The following FAM25A variants were observed in gnomAD, a reference collection of about 807,000 sequenced individuals.
FAM25A encodes protein FAM25A.
FAM25A carries 5 observed loss-of-function variants against 6.6 expected under a neutral mutation model. The observed-to-expected ratio is 0.75, with a 90% CI of 0.39 to 1.59. FAM25A has a LOEUF of 1.59. Among genes scored for constraint, FAM25A ranks in the 40% most tolerant of loss-of-function variants. The pLI, the probability that FAM25A is intolerant of heterozygous loss-of-function variation, is 0.02. For missense variants in FAM25A, 93 were observed against 109.7 expected, an observed-to-expected ratio of 0.85 and a Z score of 0.68; for synonymous variants, 36 against 41.3, an observed-to-expected ratio of 0.87 and a Z score of 0.49.
rs576919857 is a variant in FAM25A, at chr10:87,020,366, C to T, written c.42C>T (p.Ala14=). The T allele has an allele frequency of 5.2e-6, 8 of 1,549,332 alleles. No homozygotes were observed. Among genetic ancestry groups the T allele is most frequent in the African/African-American group, 4.1e-5 (3 of 73,048 alleles). Reference sequence around the variant, plus strand: ...GGAAGCTGGCTGCCGAAGGCCTGGCCCACCGCACCGAGAAGGCCACCGAGG... The same window carrying T: ...GGAAGCTGGCTGCCGAAGGCCTGGCTCACCGCACCGAGAAGGCCACCGAGG... ...GLGKLAAEGL[A]HRTEKATEGA... The change falls in exon 1 of 3, where the codon GCC becomes GCT. Residue 14 remains alanine, a synonymous_variant. Transcript: ENST00000343959.
rs1395840886 is a variant in FAM25A at position 87,024,445 on chromosome 10, T to A, written c.137-96T>A. 8 of 1,529,676 alleles carry A rather than the reference T, an allele frequency of 5.2e-6. No homozygotes were observed. In the East Asian group the frequency reaches 1.7e-4, roughly 33 times the overall value. 94.8% of individuals were successfully genotyped at this position (1,529,676 alleles called of 1,614,324 possible). Reference sequence around the variant, plus strand: ...GGTCCCATCGGGCCACTCCAGAGACTAATCCATTAAGATGGCCACATCCCA... The same window carrying A: ...GGTCCCATCGGGCCACTCCAGAGACAAATCCATTAAGATGGCCACATCCCA... On this transcript the variant is annotated intron_variant, in intron 2 of 2. Coordinates refer to ENST00000343959, the MANE Select transcript of FAM25A (RefSeq NM_001146157.3).
intron 2 of FAM25A, 102 bp from the exon 3 acceptor site, chr10:87,024,439 A>G: frequency 6.6e-7 from 1 of 1,523,962 alleles, no homozygotes; most frequent in East Asian, 2.4e-5. Flanking sequence ...GGGCCACTCC[A>G]GAGACTAATC....
chr10:87,023,772 T>C (rs1226275796), intron 2 of FAM25A, among the ~76,000 whole-genome samples: 4 of 151,966 alleles, frequency 2.6e-5, no homozygotes, highest in African/African-American at 9.7e-5. Context: ...CAGAAATTTC[T>C]CACACTCCTG....
intron 2 of FAM25A, among the ~76,000 whole-genome samples, chr10:87,023,630 A>T (rs1845352131): frequency 6.6e-6 from 1 of 152,160 alleles, no homozygotes; most frequent in African/African-American, 2.4e-5. Context: ...CTGAGGCAGG[A>T]TACTCCCTTG....
chr10:87,024,725 T>C lies in FAM25A; in HGVS notation c.*51T>C. 6.5e-7 allele frequency: 1 copy of C among 1,535,420 alleles called. No individual in the cohort carries two copies. Among genetic ancestry groups the C allele is most frequent in the Non-Finnish European group, 8.7e-7 (1 of 1,146,740 alleles). ...CCAGTCTCAATAAAAAGCCATGACATGTGTACATTGAGCGCTGGATTTATA... is the reference window on the plus strand; with the variant it reads ...CCAGTCTCAATAAAAAGCCATGACACGTGTACATTGAGCGCTGGATTTATA... On this transcript the variant is annotated 3_prime_UTR_variant, in exon 3 of 3. Transcript: ENST00000343959.
chr10:87,023,806 G>C (rs1322750931), intron 2 of FAM25A, among the ~76,000 whole-genome samples: 6 of 152,058 alleles, frequency 3.9e-5, no homozygotes, highest in Non-Finnish European at 4.4e-5. Flanking sequence ...CCAAGATCAA[G>C]GAAGGCACTG....
intron 2 of FAM25A, among the ~76,000 whole-genome samples, chr10:87,023,170 G>A (rs1253746992): frequency 2.1e-5 from 3 of 146,154 alleles, no homozygotes; most frequent in Non-Finnish European, 4.5e-5. Flanking sequence ...GCAGTGAGCC[G>A]AGATCGTGCC....
intron 2 of FAM25A, among the ~76,000 whole-genome samples, chr10:87,023,547 C>T (rs1046892537): frequency 6.6e-6 from 1 of 152,210 alleles, no homozygotes; most frequent in Middle Eastern, 3.4e-3. Context: ...ATGGTGAAAC[C>T]CCGTTGCTAC....
rs1298822338 is a variant in FAM25A at position 87,024,090 on chromosome 10, CA to C, written c.137-444del. Among the ~76,000 whole-genome samples the C allele has an allele frequency of 5.5e-5, 8 of 146,700 alleles. No individual in the cohort carries two copies. In the East Asian group the frequency reaches 1.4e-3, roughly 26 times the overall value. Reference sequence around the variant, plus strand: ...GAGGGGAGAATCTTTAGAACCATGACAAAAAAATCAGCGCCATAAAGGAAAT... The same window carrying C: ...GAGGGGAGAATCTTTAGAACCATGACAAAAAATCAGCGCCATAAAGGAAAT... On this transcript the variant is annotated intron_variant, in intron 2 of 2. Coordinates refer to ENST00000343959, the MANE Select transcript of FAM25A (RefSeq NM_001146157.3).
intron 1 of FAM25A, among the ~76,000 whole-genome samples, chr10:87,021,533 C>T (rs896257308): frequency 4.6e-5 from 7 of 152,216 alleles, no homozygotes; most frequent in African/African-American, 1.4e-4. Context: ...CATGGGTTCC[C>T]AGAACTCCGG....
chr10:87,023,950 C>T (rs964460030), intron 2 of FAM25A, among the ~76,000 whole-genome samples: 2 of 152,020 alleles, frequency 1.3e-5, no homozygotes, highest in African/African-American at 4.8e-5. Context: ...AAAGGCCCCA[C>T]CTCTTAATAT....
chr10:87,024,590 G>A lies in FAM25A; in HGVS notation c.186G>A (p.Met62Ile). The change falls in exon 3 of 3, where the codon ATG becomes ATA. Residue 62 changes from methionine to isoleucine, a missense_variant. By Grantham distance (10) the Met-to-Ile change is conservative (BLOSUM62 1). Transcript: ENST00000343959. ...KKAQESGDKK[M>I]KEITETVTNT... ...CCCAAGAGTCAGGGGACAAAAAGAT[G>A]AAGGAAATCACTGAGACAGTGACCA... The A allele has an allele frequency of 6.5e-7, 1 of 1,535,774 alleles. No homozygotes were observed. Among genetic ancestry groups the A allele is most frequent in the Admixed American group, 2.0e-5 (1 of 50,998 alleles).
At position 87,024,587 on chromosome 10, in the gene FAM25A, G is replaced by A. The variant is rs562158868; in HGVS notation, c.183G>A (p.Lys61=). The change falls in exon 3 of 3, where the codon AAG becomes AAA. Residue 61 remains lysine (K), a synonymous_variant. Coordinates refer to ENST00000343959, the MANE Select transcript of FAM25A (RefSeq NM_001146157.3). ...IKKAQESGDK[K]MKEITETVTN... ...AAGCCCAAGAGTCAGGGGACAAAAA[G>A]ATGAAGGAAATCACTGAGACAGTGA... The A allele has an allele frequency of 3.4e-5, 52 of 1,535,766 alleles. No individual in the cohort carries two copies. The African/African-American group carries it at 6.7e-4, about 20-fold the overall frequency.
intron 1 of FAM25A, among the ~76,000 whole-genome samples, chr10:87,020,801 C>T (rs1845323473): frequency 6.6e-6 from 1 of 152,210 alleles, no homozygotes; most frequent in Non-Finnish European, 1.5e-5. Context: ...TCAATTTCAT[C>T]CAAGTCCCCT....
At chr10:87,024,471 C>A in intron 2 of FAM25A, 70 bp from the exon 3 acceptor site, 1 of 1,535,440 alleles carries the variant, frequency 6.5e-7, no homozygotes, top group East Asian at 2.4e-5. Context: ...CCACATCCCA[C>A]AGGCCACTCA....
intron 2 of FAM25A, among the ~76,000 whole-genome samples, chr10:87,023,934 C>T (rs1331827980): frequency 6.6e-6 from 1 of 152,012 alleles, no homozygotes; most frequent in Non-Finnish European, 1.5e-5. Flanking sequence ...CTAATTTCAA[C>T]CTCCCAAAGG....
chr10:87,024,530 C>A lies in FAM25A; in HGVS notation c.137-11C>A. 1 of 1,535,824 alleles carries A rather than the reference C, an allele frequency of 6.5e-7. No individual in the cohort carries two copies. The highest frequency in any genetic ancestry group is 8.7e-7 in the Non-Finnish European group (1 of 1,146,910). On this transcript the variant is annotated splice_polypyrimidine_tract_variant and intron_variant, in intron 2 of 2. Transcript: ENST00000343959. The stretch of plus-strand genomic sequence containing the variant: ...GATCACTAGGACATTCTTCCTCTTT[C>A]TTTCCAACAGCCATTGCTGAAGCCA...
At chr10:87,022,278 C>T (rs1845335809) in intron 1 of FAM25A, 36 bp from the exon 2 acceptor site, 1 of 1,548,244 alleles carries the variant, frequency 6.5e-7, no homozygotes, top group African/African-American at 1.4e-5. Flanking sequence ...CGGCTCTGCT[C>T]TGAGCCCTCA....
In FAM25A at chr10:87,024,535, C is replaced by T; in HGVS notation, c.137-6C>T. 2 of 1,535,774 alleles carry T rather than the reference C, an allele frequency of 1.3e-6. No individual in the cohort carries two copies. The highest frequency in any genetic ancestry group is 1.7e-6 in the Non-Finnish European group (2 of 1,146,890). Reference sequence around the variant, plus strand: ...CTAGGACATTCTTCCTCTTTCTTTCCAACAGCCATTGCTGAAGCCATAAAG... The same window carrying T: ...CTAGGACATTCTTCCTCTTTCTTTCTAACAGCCATTGCTGAAGCCATAAAG... On this transcript the variant is annotated splice_region_variant and splice_polypyrimidine_tract_variant and intron_variant, in intron 2 of 2. Transcript: ENST00000343959.
Sources: gnomAD v4.1 joint callset for allele counts (sites outside exome capture counted in the v4.1 genomes callset) on GRCh38, gnomAD v4.1.1 for gene constraint, MANE v1.5 for transcripts, NCBI Gene and HGNC (gene_info 2026-07-23, HGNC 2026-07-21) for gene names.